Variants in NDEL1 observed in about 807,000 individuals in gnomAD.
The protein encoded by NDEL1 is nuclear distribution protein nudE-like 1.
A neutral mutation model predicts 45.7 loss-of-function variants in NDEL1; 9 were observed. That is an observed-to-expected ratio of 0.20 (90% CI 0.12 to 0.34). The LOEUF is 0.34. Ranked by LOEUF, NDEL1 falls within the 10% of genes least tolerant of loss-of-function variation. NDEL1 has a pLI of 1.00. For missense variants in NDEL1, 306 were observed against 406.2 expected (o/e 0.75, Z 2.12); for synonymous variants, 133 against 158.6 (o/e 0.84, Z 1.21).
chr17:8,473,272 C>T (rs1438488086), intron 3 of NDEL1, among the ~76,000 whole-genome samples: 1 of 150,346 alleles, frequency 6.7e-6, no homozygotes, highest in Non-Finnish European at 1.5e-5. Flanking sequence ...CTGCAGCCTC[C>T]ACCTCCCAGG....
At chr17:8,420,108 T>G (rs937987839) in intron 1 of NDEL1, among the ~76,000 whole-genome samples, 2 of 152,168 alleles carry the variant, frequency 1.3e-5, no homozygotes, top group Non-Finnish European at 2.9e-5. Context: ...TATTTCAAGG[T>G]TCTCTTCTAC....
downstream of NDEL1, among the ~76,000 whole-genome samples, chr17:8,468,553 G>A (rs138606083): frequency 7.7e-4 from 118 of 152,300 alleles, no homozygotes; most frequent in East Asian, 2.7e-3. Flanking sequence ...GCTTCGAACC[G>A]GCACTTCTCC....
chr17:8,419,148 C>T (rs1004937796), intron 1 of NDEL1, among the ~76,000 whole-genome samples: 99 of 152,228 alleles, frequency 6.5e-4, no homozygotes, highest in African/African-American at 2.3e-3. Context: ...CCACACCTGG[C>T]CTGATCCCTT....
intron 1 of NDEL1, among the ~76,000 whole-genome samples, chr17:8,425,882 C>T (rs1038780972): frequency 3.3e-5 from 5 of 152,096 alleles, no homozygotes; most frequent in African/African-American, 1.2e-4. Context: ...GCCCCAAATC[C>T]CTGGCCTCCA....
intron 8 of NDEL1, 126 bp downstream of exon 8, chr17:8,460,286 C>G: frequency 9.7e-7 from 1 of 1,032,182 alleles, no homozygotes; most frequent in Admixed American, 2.8e-5. Context: ...TGTTATCATT[C>G]TAATCTTAGG....
At chr17:8,443,216 A>G (rs773460303) in intron 1 of NDEL1, among the ~76,000 whole-genome samples, 1 of 152,246 alleles carries the variant, frequency 6.6e-6, no homozygotes, top group Non-Finnish European at 1.5e-5. Flanking sequence ...GAAATAAGTA[A>G]GCCAGCCTAA....
intron 6 of NDEL1, among the ~76,000 whole-genome samples, chr17:8,451,782 T>C (rs1910519307): frequency 6.6e-6 from 1 of 152,242 alleles, no homozygotes; most frequent in African/African-American, 2.4e-5. Context: ...CCTTGCTTTT[T>C]TTTTCCACCC....
chr17:8,439,239 CT>C (rs762298785), intron 1 of NDEL1, among the ~76,000 whole-genome samples: 2,991 of 142,764 alleles, frequency 0.021, 87 homozygotes, highest in African/African-American at 0.069. Context: ...TGTGCCCGGC[CT>C]TTTTTTTTTT....
intron 1 of NDEL1, among the ~76,000 whole-genome samples, chr17:8,420,980 G>A (rs1459133537): frequency 1.3e-5 from 2 of 152,158 alleles, no homozygotes; most frequent in African/African-American, 4.8e-5. Context: ...GATGGTCTGT[G>A]TACTACTGGT....
intron 1 of NDEL1, among the ~76,000 whole-genome samples, chr17:8,416,427 TGAAG>T (rs1222500846): frequency 6.6e-6 from 1 of 152,244 alleles, no homozygotes; most frequent in Non-Finnish European, 1.5e-5. Context: ...TTATACTTGT[TGAAG>T]GGTCTGGCTT....
At position 8,415,427 on chromosome 17, in the gene NDEL1, C is replaced by CATTTATTTATTTATTTATTT. The variant is rs111333617; in HGVS notation, c.-13+2164_-13+2183dup. On this transcript the variant is annotated intron_variant, in intron 1 of 4. Coordinates refer to the NDEL1 transcript ENST00000582812. Reference sequence around the variant, plus strand: ...TTTTTTTGCCACTTTATAGTTTTAACATTTATTTATTTATTTATTTATTTA... The same window carrying CATTTATTTATTTATTTATTT: ...TTTTTTTGCCACTTTATAGTTTTAACATTTATTTATTTATTTATTTATTTATTTATTTATTTATTTATTTA... 4.6e-4 allele frequency among the ~76,000 whole-genome samples: 68 copies of CATTTATTTATTTATTTATTT among 148,146 alleles called. 2 individuals are homozygous for CATTTATTTATTTATTTATTT. The highest frequency in any genetic ancestry group is 1.0e-3 in the African/African-American group (41 of 39,864).
chr17:8,454,212 A>G (rs1296132749), intron 6 of NDEL1, among the ~76,000 whole-genome samples: 2 of 152,098 alleles, frequency 1.3e-5, no homozygotes, highest in African/African-American at 4.8e-5. Context: ...TAGAACATCT[A>G]TAAGAGAAAG....
In NDEL1 at chr17:8,450,965, C is replaced by G. The variant is rs1195249298; in HGVS notation, c.700+12C>G. 1.3e-6 allele frequency: 2 copies of G among 1,596,948 alleles called. No homozygotes were observed. The highest frequency in any genetic ancestry group is 2.3e-5 in the East Asian group (1 of 44,382). On this transcript the variant is annotated intron_variant, in intron 6 of 8. Coordinates refer to ENST00000334527, the MANE Select transcript of NDEL1 (RefSeq NM_030808.5). ...TCCTTCACCGAAAGGTTTGTAATGT[C>G]TTTTCTTTTTGAGGCGATGTGTTAG...
chr17:8,464,918 C>T (rs936350099), intron 8 of NDEL1: 24 of 152,186 alleles, frequency 1.6e-4, no homozygotes, highest in African/African-American at 5.8e-4. Flanking sequence ...TGCCAGAATC[C>T]CATCCTCAAC....
At chr17:8,471,328 C>A (rs1206391734), downstream of NDEL1, among the ~76,000 whole-genome samples, 1 of 152,166 alleles carries the variant, frequency 6.6e-6, no homozygotes, top group African/African-American at 2.4e-5. Flanking sequence ...TTTTGTATTT[C>A]CCATTCTGTA....
At chr17:8,447,414 A>G (rs1910152489) in intron 4 of NDEL1, among the ~76,000 whole-genome samples, 1 of 152,168 alleles carries the variant, frequency 6.6e-6, no homozygotes, top group African/African-American at 2.4e-5. Flanking sequence ...AAGTGCTGGG[A>G]TTATAGGCAT....
chr17:8,426,030 T>G (rs1343415872), intron 1 of NDEL1, among the ~76,000 whole-genome samples: 1 of 152,236 alleles, frequency 6.6e-6, no homozygotes, highest in Non-Finnish European at 1.5e-5. Flanking sequence ...CCTCAAGTGA[T>G]CCTCCCACCT....
chr17:8,444,883 T>C (rs1909981854), intron 2 of NDEL1: 2 of 152,236 alleles, frequency 1.3e-5, no homozygotes, highest in Admixed American at 1.3e-4. Context: ...AAAACTTGTC[T>C]CAAATTTCTT....
chr17:8,464,621 C>G (rs1461274464), intron 8 of NDEL1: 2 of 152,202 alleles, frequency 1.3e-5, no homozygotes, highest in African/African-American at 4.8e-5. Context: ...AGAAATTTAC[C>G]GGTTCTCTCT....
Sources: allele counts gnomAD v4.1 joint callset (sites outside exome capture counted in the v4.1 genomes callset), GRCh38; gene constraint gnomAD v4.1.1; transcripts MANE v1.5; gene names NCBI Gene and HGNC (gene_info 2026-07-23, HGNC 2026-07-21).